The following ARHGEF10L variants were observed in gnomAD, a reference collection of about 807,000 sequenced individuals.
ARHGEF10L encodes Rho guanine nucleotide exchange factor 10 like, also known as rho guanine nucleotide exchange factor 10-like protein.
ARHGEF10L carries 69 observed loss-of-function variants against 141.2 expected under a neutral mutation model. The ratio of observed to expected loss-of-function variants is 0.49; its 90% CI spans 0.40 to 0.60. The LOEUF is 0.60. ARHGEF10L is among the 20% of genes least tolerant of loss of function. ARHGEF10L has a pLI of 0.00. For synonymous variants in ARHGEF10L, 711 were observed against 718.5 expected, an observed-to-expected ratio of 0.99 and a Z score of 0.17; for missense variants, 1,482 against 1,734.3, an observed-to-expected ratio of 0.85 and a Z score of 2.58.
In ARHGEF10L at chr1:17,664,433, C is replaced by A. The variant is rs761629980; in HGVS notation, c.2861-14C>A. 5.4e-5 allele frequency: 87 copies of A among 1,599,770 alleles called. No individual in the cohort carries two copies. The Middle Eastern group carries it at 8.2e-4, about 15-fold the overall frequency. ...GCTCCTGGCCCCTGACCTGCCTCCC[C>A]TCTCTCCCTGCAGGAGGTGTCCTGT... On this transcript the variant is annotated splice_polypyrimidine_tract_variant and intron_variant, in intron 25 of 28. Transcript: ENST00000361221.
At chr1:17,649,769 G>A (rs987006367) in intron 22 of ARHGEF10L, among the ~76,000 whole-genome samples, 9 of 152,164 alleles carry the variant, frequency 5.9e-5, no homozygotes. Context: ...GTTCAGAGAT[G>A]GCCTCTTGGA....
the ARHGEF10L span, among the ~76,000 whole-genome samples, chr1:17,526,701 T>C: frequency 6.6e-6 from 1 of 152,080 alleles, no homozygotes; most frequent in Non-Finnish European, 1.5e-5. Flanking sequence ...CCCAGGAGTT[T>C]GAGACCAGCC....
At chr1:17,580,509 A>G (rs1198243342) in intron 1 of ARHGEF10L, 44 bp from the exon 2 acceptor site, 2 of 1,557,510 alleles carry the variant, frequency 1.3e-6, no homozygotes, top group Non-Finnish European at 8.8e-7. Flanking sequence ...CTGAAACTGC[A>G]GCCCTGACTC....
rs749075555 is a variant in ARHGEF10L, at chr1:17,697,739, C to T, written c.*359C>T. The stretch of plus-strand genomic sequence containing the variant: ...AAGGGTGTGTGCGTGTGAGTGTGTG[C>T]GAGTGTGTGGGCTGGTGTGTGAATA... On this transcript the variant is annotated 3_prime_UTR_variant, in exon 29 of 29. Coordinates refer to ENST00000361221, the MANE Select transcript of ARHGEF10L (RefSeq NM_018125.4). This position sits in a 1 kb window ranked among gnomAD's most constrained non-coding sequence, Gnocchi z 4.8. 45 of 491,612 alleles carry T rather than the reference C, an allele frequency of 9.2e-5. No homozygotes were observed. Among genetic ancestry groups the T allele is most frequent in the South Asian group, 1.2e-4 (8 of 64,166 alleles). The allele number at this position is 491,612 out of a possible 1,614,324, so 30.5% of individuals were successfully genotyped here.
At chr1:17,569,577 C>T (rs1443254214) in intron 1 of ARHGEF10L, among the ~76,000 whole-genome samples, 1 of 152,204 alleles carries the variant, frequency 6.6e-6, no homozygotes, top group South Asian at 2.1e-4. Flanking sequence ...CCCTGCCAGA[C>T]AGAGATTGGG....
At chr1:17,581,309 CA>C (rs71014975) in intron 2 of ARHGEF10L, among the ~76,000 whole-genome samples, 9,506 of 69,020 alleles carry the variant, frequency 0.14, 142 homozygotes, top group Middle Eastern at 0.21. Context: ...AAGACTGTCT[CA>C]AAAAAAAAAA....
intron 1 of ARHGEF10L, among the ~76,000 whole-genome samples, chr1:17,580,245 A>G (rs978417465): frequency 1.3e-5 from 2 of 152,196 alleles, no homozygotes; most frequent in African/African-American, 4.8e-5. Flanking sequence ...CTCTGGGGCC[A>G]GATTTCACCT....
chr1:17,639,909 G>A lies in ARHGEF10L; in HGVS notation c.2172-293G>A. The A allele has an allele frequency of 6.9e-7, 1 of 1,446,248 alleles. No homozygotes were observed. The highest frequency in any genetic ancestry group is 9.2e-7 in the Non-Finnish European group (1 of 1,089,742). The allele number at this position is 1,446,248 out of a possible 1,614,324, so 89.6% of individuals were successfully genotyped here. On this transcript the variant is annotated intron_variant, in intron 20 of 28. Transcript: ENST00000361221. The surrounding 1 kb of genome is among the most constrained non-coding windows in gnomAD (Gnocchi z 4.3). ...TGACCAGGTGGAGTCACAGCCTGCAGAGGCTCTGCCGGGCACAAAGCCAGA... is the reference window on the plus strand; with the variant it reads ...TGACCAGGTGGAGTCACAGCCTGCAAAGGCTCTGCCGGGCACAAAGCCAGA...
intron 4 of ARHGEF10L, among the ~76,000 whole-genome samples, chr1:17,596,588 T>A (rs570300892): frequency 6.6e-6 from 1 of 152,216 alleles, no homozygotes; most frequent in East Asian, 1.9e-4. Context: ...TGGCCAGGAA[T>A]CCTTAGCTTG....
In ARHGEF10L at chr1:17,619,544, G is replaced by T; in HGVS notation, c.942+99G>T. 1 of 961,326 alleles carries T rather than the reference G, an allele frequency of 1.0e-6. No homozygotes were observed. Among genetic ancestry groups the T allele is most frequent in the Non-Finnish European group, 1.5e-6 (1 of 655,868 alleles). 59.5% of individuals were successfully genotyped at this position (961,326 alleles called of 1,614,324 possible). On this transcript the variant is annotated intron_variant, in intron 10 of 28. Transcript: ENST00000361221. The surrounding 1 kb of genome is among the most constrained non-coding windows in gnomAD (Gnocchi z 5.0). The stretch of plus-strand genomic sequence containing the variant: ...GGCCACGCTTGTCTGGATCTCACAG[G>T]GGATATGATGACTGGGGGCTCTTGG...
At position 17,553,521 on chromosome 1, in the gene ARHGEF10L, C is replaced by T. The variant is rs143929575; in HGVS notation, c.-44+13571C>T. Among the ~76,000 whole-genome samples the T allele has an allele frequency of 1.1e-3, 172 of 152,242 alleles. No individual in the cohort carries two copies. The East Asian group carries it at 0.019, about 17-fold the overall frequency. ...TGTAGTTTGAGGGTGGTGGCTCATG[C>T]CTGTAATCCCAGCACTTTGGGAGGC... On this transcript the variant is annotated intron_variant, in intron 1 of 28. Coordinates refer to ENST00000361221, the MANE Select transcript of ARHGEF10L (RefSeq NM_018125.4).
chr1:17,578,119 C>G (rs1441806819), intron 1 of ARHGEF10L, among the ~76,000 whole-genome samples: 2 of 152,168 alleles, frequency 1.3e-5, no homozygotes, highest in African/African-American at 4.8e-5. Context: ...AAGTGCCTCC[C>G]TTTTTCCTTC....
chr1:17,645,815 G>A (rs929029732), intron 21 of ARHGEF10L, among the ~76,000 whole-genome samples: 4 of 152,210 alleles, frequency 2.6e-5, no homozygotes, highest in Admixed American at 6.5e-5. Context: ...GCTGGCCAGC[G>A]TGGAGTGCGG....
intron 26 of ARHGEF10L, among the ~76,000 whole-genome samples, chr1:17,686,100 TTCTTTC>T (rs1472648908): frequency 9.3e-4 from 135 of 144,820 alleles, no homozygotes; most frequent in African/African-American, 3.4e-3. Flanking sequence ...CTTTCTTTCT[TTCTTTC>T]TTTTTTTTTT....
chr1:17,624,053 G>GT lies in ARHGEF10L; in HGVS notation c.1201-332dup, dbSNP rs2060249657. ...TGAACGTGAATGCAGTAGAAGGGGTGTTCCCCCTGCCCTTCTCCTCCCTCC... is the reference window on the plus strand; with the variant it reads ...TGAACGTGAATGCAGTAGAAGGGGTGTTTCCCCCTGCCCTTCTCCTCCCTCC... On this transcript the variant is annotated intron_variant, in intron 12 of 28. Transcript: ENST00000361221. Among the ~76,000 whole-genome samples the GT allele has an allele frequency of 2.6e-5, 4 of 152,322 alleles. No individual in the cohort carries two copies. In the South Asian group the frequency reaches 8.3e-4, roughly 32 times the overall value.
chr1:17,528,729 T>C, the ARHGEF10L span, among the ~76,000 whole-genome samples: 2 of 152,208 alleles, frequency 1.3e-5, no homozygotes, highest in Non-Finnish European at 2.9e-5. Flanking sequence ...TACATGATCC[T>C]GCCCTCGGGG....
intron 1 of ARHGEF10L, among the ~76,000 whole-genome samples, chr1:17,563,553 G>C (rs191226937): frequency 1.2e-4 from 19 of 152,130 alleles, no homozygotes; most frequent in Non-Finnish European, 2.5e-4. Context: ...TTTTCTGTTT[G>C]TTCACTGATG....
chr1:17,537,532 A>G (rs1158733302), upstream of ARHGEF10L, among the ~76,000 whole-genome samples: 1 of 152,196 alleles, frequency 6.6e-6, no homozygotes, highest in Non-Finnish European at 1.5e-5. Flanking sequence ...TTACAACAAA[A>G]GGACTAGGTG....
intron 15 of ARHGEF10L, among the ~76,000 whole-genome samples, chr1:17,631,632 T>A (rs2060697686): frequency 6.6e-6 from 1 of 152,200 alleles, no homozygotes; most frequent in Admixed American, 6.5e-5. Flanking sequence ...ACCTGTGTCA[T>A]CACACGTGAC....
Sources: allele counts gnomAD v4.1 joint callset (sites outside exome capture counted in the v4.1 genomes callset), GRCh38; gene constraint gnomAD v4.1.1; non-coding constraint Gnocchi (gnomAD v3.1); transcripts MANE v1.5; gene names NCBI Gene and HGNC (gene_info 2026-07-23, HGNC 2026-07-21).